Variants in CCDC91 observed in about 807,000 individuals in gnomAD.
CCDC91 encodes the protein coiled-coil domain-containing protein 91.
Under a neutral mutation model 63.2 loss-of-function variants are expected in CCDC91, and 48 were observed. The ratio of observed to expected loss-of-function variants is 0.76; its 90% CI spans 0.60 to 0.97. The LOEUF is 0.97. Among genes scored for constraint, CCDC91 ranks in the 50% least tolerant of loss-of-function variants. The pLI is 0.00. For missense variants in CCDC91, 500 were observed against 494.6 expected (o/e 1.01, Z -0.10); for synonymous variants, 167 against 165.8 (o/e 1.01, Z -0.06).
chr12:28,483,237 G>A (rs1366020666), intron 11 of CCDC91, among the ~76,000 whole-genome samples: 1 of 151,950 alleles, frequency 6.6e-6, no homozygotes, highest in Non-Finnish European at 1.5e-5. Flanking sequence ...AATCAAAACT[G>A]AAGCAAATAT....
At chr12:28,219,545 C>T (rs1943793523) in intron 1 of CCDC91, among the ~76,000 whole-genome samples, 1 of 146,728 alleles carries the variant, frequency 6.8e-6, no homozygotes. Flanking sequence ...GATCTGGGCT[C>T]ACTGCAAGCT....
At chr12:28,540,448 C>T (rs1942545613) in intron 12 of CCDC91, among the ~76,000 whole-genome samples, 1 of 152,114 alleles carries the variant, frequency 6.6e-6, no homozygotes, top group Non-Finnish European at 1.5e-5. Flanking sequence ...TAATGCAATG[C>T]AAGAAACTCC....
At chr12:28,347,825 T>G (rs777664669) in intron 6 of CCDC91, among the ~76,000 whole-genome samples, 33 of 152,202 alleles carry the variant, frequency 2.2e-4, no homozygotes, top group Non-Finnish European at 2.5e-4. Flanking sequence ...GTTATATCAG[T>G]GTATTTCTCC....
At chr12:28,521,527 A>G (rs956201739) in intron 12 of CCDC91, among the ~76,000 whole-genome samples, 7 of 152,144 alleles carry the variant, frequency 4.6e-5, no homozygotes, top group African/African-American at 1.7e-4. Flanking sequence ...AACAGGGACA[A>G]TTTGACTTCC....
chr12:28,504,482 T>G (rs1018302166), intron 12 of CCDC91, among the ~76,000 whole-genome samples: 2 of 151,940 alleles, frequency 1.3e-5, no homozygotes, highest in Non-Finnish European at 2.9e-5. Context: ...AAGCTAAAAT[T>G]TTAAAAATGA....
intron 1 of CCDC91, among the ~76,000 whole-genome samples, chr12:28,242,165 G>T (rs1945389303): frequency 6.6e-6 from 1 of 152,116 alleles, no homozygotes. Context: ...GCCCTGCCCT[G>T]AGGGGGTGCC....
intron 8 of CCDC91, among the ~76,000 whole-genome samples, chr12:28,395,175 A>T (rs1946213776): frequency 6.6e-6 from 1 of 152,176 alleles, no homozygotes; most frequent in South Asian, 2.1e-4. Context: ...ACTGTTGTAT[A>T]TGAATACTAG....
intron 8 of CCDC91, among the ~76,000 whole-genome samples, chr12:28,407,611 T>C (rs1265075704): frequency 1.3e-5 from 2 of 152,218 alleles, no homozygotes; most frequent in African/African-American, 2.4e-5. Flanking sequence ...ACTTTTATAA[T>C]CCACCAAGCA....
intron 8 of CCDC91, among the ~76,000 whole-genome samples, chr12:28,409,141 G>A (rs1947156169): frequency 6.6e-6 from 1 of 152,088 alleles, no homozygotes. Flanking sequence ...ATAGAAAGAT[G>A]AGAAGCAAAT....
intron 8 of CCDC91, among the ~76,000 whole-genome samples, chr12:28,409,779 T>C (rs1947201311): frequency 6.6e-6 from 1 of 152,134 alleles, no homozygotes; most frequent in South Asian, 2.1e-4. Context: ...ATTTATCTTT[T>C]GATTTTTTTT....
chr12:28,264,378 T>TTTTTTTTTTTTTGAGAC (rs1555169555), intron 3 of CCDC91, among the ~76,000 whole-genome samples: 1 of 148,464 alleles, frequency 6.7e-6, no homozygotes, highest in Non-Finnish European at 1.5e-5. Flanking sequence ...TAATTTTTTT[T>TTTTTTTTTTTTTGAGAC]GGCTAAGAAA....
chr12:28,262,677 A>G (rs1191164395), intron 3 of CCDC91, among the ~76,000 whole-genome samples: 1 of 152,002 alleles, frequency 6.6e-6, no homozygotes, highest in Non-Finnish European at 1.5e-5. Context: ...AATAAATGAA[A>G]TGTGCATGCT....
At chr12:28,384,740 G>A (rs1945498183) in intron 7 of CCDC91, among the ~76,000 whole-genome samples, 1 of 151,878 alleles carries the variant, frequency 6.6e-6, no homozygotes, top group Non-Finnish European at 1.5e-5. Flanking sequence ...GTACCACTGT[G>A]TCTTTTCATG....
chr12:28,454,237 T>A (rs1416332731), intron 11 of CCDC91, among the ~76,000 whole-genome samples: 1 of 152,164 alleles, frequency 6.6e-6, no homozygotes, highest in Non-Finnish European at 1.5e-5. Context: ...CTCTATATGT[T>A]GGTTTCTATG....
At chr12:28,387,783 C>T (rs1163896624) in intron 7 of CCDC91, among the ~76,000 whole-genome samples, 4 of 152,124 alleles carry the variant, frequency 2.6e-5, no homozygotes, top group East Asian at 1.9e-4. Flanking sequence ...TTTATCCACT[C>T]GTTGATTGAT....
At chr12:28,291,060 T>C (rs1051265128) in intron 3 of CCDC91, among the ~76,000 whole-genome samples, 23 of 152,206 alleles carry the variant, frequency 1.5e-4, no homozygotes, top group African/African-American at 5.3e-4. Flanking sequence ...CCATGAATTT[T>C]AAATCATTAT....
chr12:28,483,178 A>G (rs1951539274), intron 11 of CCDC91, among the ~76,000 whole-genome samples: 2 of 152,042 alleles, frequency 1.3e-5, no homozygotes, highest in African/African-American at 4.8e-5. Flanking sequence ...TAATTGGGGA[A>G]AACTAAGCAA....
chr12:28,524,767 G>C (rs1941106780), intron 12 of CCDC91, among the ~76,000 whole-genome samples: 1 of 151,900 alleles, frequency 6.6e-6, no homozygotes, highest in Admixed American at 6.6e-5. Context: ...TACCCTTTCA[G>C]TCTCACTGCT....
intron 8 of CCDC91, among the ~76,000 whole-genome samples, chr12:28,413,166 G>C (rs528100668): frequency 4.0e-5 from 6 of 148,312 alleles, no homozygotes; most frequent in African/African-American, 1.6e-4. Context: ...ACCACCTCTT[G>C]AGAACTACTC....
Sources: allele counts gnomAD v4.1 joint callset (sites outside exome capture counted in the v4.1 genomes callset), GRCh38; gene constraint gnomAD v4.1.1; transcripts MANE v1.5; gene names NCBI Gene and HGNC (gene_info 2026-07-23, HGNC 2026-07-21).